TGIF2: variants seen among roughly 807,000 people sequenced by gnomAD.
The protein encoded by TGIF2 is homeobox protein TGIF2.
In TGIF2, 5 loss-of-function variants were observed where a neutral mutation model predicts 15.1. The ratio of observed to expected loss-of-function variants is 0.33; its 90% CI spans 0.17 to 0.70. The LOEUF (loss-of-function observed/expected upper bound fraction) is 0.70. Ranked by LOEUF, TGIF2 falls within the 30% of genes least tolerant of loss-of-function variation. TGIF2 has a pLI of 0.67. For synonymous variants in TGIF2, 131 were observed against 128.9 expected (o/e 1.02, Z -0.11); for missense variants, 264 against 302.5 (o/e 0.87, Z 0.94).
In TGIF2 at chr20:36,573,615, C is replaced by T. The variant is rs960544291; in HGVS notation, c.-165C>T. On this transcript the variant is annotated 5_prime_UTR_variant, in exon 1 of 3. Coordinates refer to ENST00000373872, the MANE Select transcript of TGIF2 (RefSeq NM_021809.7). ...TGACGTCAGGCCGCGAGGTGCTTTC[C>T]AGCCGCGAGCTGTCAGGCCGAGTGT... 6.6e-6 allele frequency: 1 copy of T among 150,648 alleles called. No individual in the cohort carries two copies. Among genetic ancestry groups the T allele is most frequent in the Non-Finnish European group, 1.5e-5 (1 of 67,506 alleles). 9.3% of individuals were successfully genotyped at this position (150,648 alleles called of 1,614,324 possible). A position where few individuals can be genotyped will look rare whatever the true frequency, so the allele number is the denominator to read the frequency against.
intron 1 of TGIF2, among the ~76,000 whole-genome samples, chr20:36,575,025 C>T (rs1396241546): frequency 1.3e-5 from 2 of 151,974 alleles, no homozygotes; most frequent in Non-Finnish European, 2.9e-5. Flanking sequence ...GTGATGACGC[C>T]TGGAGTTTTC....
At chr20:36,586,437 G>A (rs555148990) in intron 2 of TGIF2, among the ~76,000 whole-genome samples, 16 of 152,184 alleles carry the variant, frequency 1.1e-4, no homozygotes, top group Non-Finnish European at 2.1e-4. Context: ...TGCTCTGCCT[G>A]TAATCCCAGC....
rs1316922972 is a variant in TGIF2 at position 36,585,569 on chromosome 20, C to A, written c.193-5341C>A. Among the ~76,000 whole-genome samples the A allele has an allele frequency of 2.6e-5, 4 of 151,866 alleles. No individual in the cohort carries two copies. In the East Asian group the frequency reaches 7.7e-4, roughly 29 times the overall value. ...GAACAAGTATCAACATTTTGCCAAG[C>A]TTGTTTTATCTCTCCCTGGGGACAT... On this transcript the variant is annotated intron_variant, in intron 2 of 2. Coordinates refer to ENST00000373872, the MANE Select transcript of TGIF2 (RefSeq NM_021809.7).
At chr20:36,585,799 G>C (rs1348417417) in intron 2 of TGIF2, among the ~76,000 whole-genome samples, 4 of 152,176 alleles carry the variant, frequency 2.6e-5, no homozygotes, top group Non-Finnish European at 5.9e-5. Context: ...CTACCTGGCA[G>C]GGTTCTGGGC....
chr20:36,573,491 G>A (rs947707344), upstream of TGIF2: 5 of 151,564 alleles, frequency 3.3e-5, no homozygotes, highest in Non-Finnish European at 5.9e-5. Context: ...CCGCCCCGCG[G>A]GGGGTGGGCG....
intron 2 of TGIF2, among the ~76,000 whole-genome samples, chr20:36,588,727 C>T (rs2038711190): frequency 1.3e-5 from 2 of 152,046 alleles, no homozygotes; most frequent in East Asian, 1.9e-4. Flanking sequence ...CTCTGCCCTG[C>T]CTATGAGCCT....
intron 2 of TGIF2, among the ~76,000 whole-genome samples, chr20:36,584,586 G>A (rs183916249): frequency 5.3e-5 from 8 of 150,082 alleles, no homozygotes; most frequent in Admixed American, 1.3e-4. Context: ...TCACTCTGTC[G>A]CCCAGGCTGG....
chr20:36,585,179 CAA>C (rs1211493002), intron 2 of TGIF2, among the ~76,000 whole-genome samples: 5 of 151,730 alleles, frequency 3.3e-5, no homozygotes, highest in African/African-American at 1.2e-4. Context: ...GCCTGGGCAA[CAA>C]GAGTGAAACT....
chr20:36,584,412 G>A (rs1009705145), intron 2 of TGIF2, among the ~76,000 whole-genome samples: 1 of 152,194 alleles, frequency 6.6e-6, no homozygotes. Context: ...AGTAAATAAT[G>A]TTGAAGTGGC....
At chr20:36,579,033 C>T in intron 2 of TGIF2, 67 bp downstream of exon 2, 1 of 1,549,878 alleles carries the variant, frequency 6.5e-7, no homozygotes, top group Non-Finnish European at 8.7e-7. Context: ...CCAGCTGTGT[C>T]ACTGAGTCAC....
Position 36,592,213 on chromosome 20 carries a change from G to A in TGIF2, c.*782G>A, listed in dbSNP as rs905903180. The A allele has an allele frequency of 3.3e-5, 5 of 151,668 alleles. No individual in the cohort carries two copies. The highest frequency in any genetic ancestry group is 7.4e-5 in the Non-Finnish European group (5 of 67,932). The allele number at this position is 151,668 out of a possible 1,614,324, so 9.4% of individuals were successfully genotyped here. On this transcript the variant is annotated 3_prime_UTR_variant, in exon 3 of 3. Coordinates refer to ENST00000373872, the MANE Select transcript of TGIF2 (RefSeq NM_021809.7). ...GTATGAGCGCATTGGCTTGTCTGCC[G>A]CAGGCACAGAAGGGTAGAAAGCCAC...
At chr20:36,584,980 T>C (rs1028088981) in intron 2 of TGIF2, among the ~76,000 whole-genome samples, 1 of 152,102 alleles carries the variant, frequency 6.6e-6, no homozygotes, top group Non-Finnish European at 1.5e-5. Context: ...ACGGATCACC[T>C]GGGGTTGGAA....
intron 2 of TGIF2, among the ~76,000 whole-genome samples, chr20:36,585,696 G>A (rs2038644092): frequency 6.6e-6 from 1 of 152,050 alleles, no homozygotes; most frequent in Non-Finnish European, 1.5e-5. Flanking sequence ...TAGGCAGTTG[G>A]GAGGGTTAGG....
intron 1 of TGIF2, chr20:36,574,488 C>T (rs530261838): frequency 1.3e-5 from 2 of 151,544 alleles, no homozygotes; most frequent in South Asian, 2.1e-4. Context: ...CCTCCCCTCC[C>T]TTCCCCTCCC....
intron 2 of TGIF2, among the ~76,000 whole-genome samples, chr20:36,584,374 G>C (rs1369987272): frequency 6.6e-6 from 1 of 152,204 alleles, no homozygotes; most frequent in Non-Finnish European, 1.5e-5. Flanking sequence ...GTGTAGCATA[G>C]TGCTTGGTAT....
chr20:36,578,731 C>T lies in TGIF2; in HGVS notation c.-34-10C>T, dbSNP rs377742811. The T allele has an allele frequency of 1.9e-6, 3 of 1,568,580 alleles. No homozygotes were observed. Among genetic ancestry groups the T allele is most frequent in the African/African-American group, 1.4e-5 (1 of 73,680 alleles). On this transcript the variant is annotated splice_polypyrimidine_tract_variant and intron_variant, in intron 1 of 2. Transcript: ENST00000373872. ...AATGATGTTCCCATCCCCTGTGTCC[C>T]TTGTCCCAGGTTTACCCAAGGTCCA...
chr20:36,581,181 T>C (rs957384270), intron 2 of TGIF2, among the ~76,000 whole-genome samples: 1 of 152,146 alleles, frequency 6.6e-6, no homozygotes, highest in African/African-American at 2.4e-5. Context: ...TTCTACTGTT[T>C]TCAGCTTCAT....
chr20:36,585,242 A>G (rs1488042204), intron 2 of TGIF2, among the ~76,000 whole-genome samples: 1 of 151,998 alleles, frequency 6.6e-6, no homozygotes, highest in Non-Finnish European at 1.5e-5. Flanking sequence ...TCACGCCTGT[A>G]ATCCCAACAC....
chr20:36,576,339 G>A (rs1205168078), intron 1 of TGIF2, among the ~76,000 whole-genome samples: 3 of 152,176 alleles, frequency 2.0e-5, no homozygotes, highest in African/African-American at 7.2e-5. Flanking sequence ...GGCTAAAGGG[G>A]CCTGACAAAG....
Sources: allele counts gnomAD v4.1 joint callset (sites outside exome capture counted in the v4.1 genomes callset), GRCh38; gene constraint gnomAD v4.1.1; transcripts MANE v1.5; gene names NCBI Gene and HGNC (gene_info 2026-07-23, HGNC 2026-07-21).